Variants in RIMBP2 observed in about 807,000 individuals in gnomAD.
The protein encoded by RIMBP2 is RIMS-binding protein 2.
RIMBP2 carries 48 observed loss-of-function variants against 118.6 expected under a neutral mutation model. That is an observed-to-expected ratio of 0.40 (90% CI 0.32 to 0.51). RIMBP2 has a LOEUF of 0.51. RIMBP2 is among the 20% of genes least tolerant of loss of function. The probability of loss-of-function intolerance (pLI) is 0.41; values close to 1 mark genes in which losing one functional copy is unlikely to be tolerated. For synonymous variants in RIMBP2, 762 were observed against 742.9 expected (o/e 1.03, Z -0.42); for missense variants, 1,551 against 1,768.3 (o/e 0.88, Z 2.20).
At position 130,623,178 on chromosome 12, in the gene RIMBP2, ATTATGATGAACACACACATGTATTCCCC is replaced by A. The variant is rs2061424928; in HGVS notation, c.-217+5116_-217+5143del. ...CTGCATTATTGAATTTAAAAAGCAT[ATTATGATGAACACACACATGTATTCCCC>A]TTTAGCTTTTTCTATATATTTCAAC... is the stretch of plus-strand genomic sequence containing the variant. On this transcript the variant is annotated intron_variant, in intron 2 of 22. Transcript: ENST00000690449. The surrounding 1 kb of genome is among the most constrained non-coding windows in gnomAD (Gnocchi z 4.1). Among the ~76,000 whole-genome samples the A allele has an allele frequency of 6.6e-6, 1 of 152,248 alleles. No homozygotes were observed. Among genetic ancestry groups the A allele is most frequent in the African/African-American group, 2.4e-5 (1 of 41,470 alleles).
At chr12:130,438,313 C>A in intron 12 of RIMBP2, 52 bp downstream of exon 12, 1 of 1,599,016 alleles carries the variant, frequency 6.3e-7, no homozygotes, top group South Asian at 1.1e-5. Flanking sequence ...GGGCCGGTCC[C>A]TGCTGCGTTA....
At chr12:130,587,698 A>C (rs1593924032) in intron 2 of RIMBP2, among the ~76,000 whole-genome samples, 1 of 76,302 alleles carries the variant, frequency 1.3e-5, no homozygotes, top group African/African-American at 5.7e-5. Context: ...GGGAGGGGGG[A>C]GGGATAGCAT....
intron 1 of RIMBP2, among the ~76,000 whole-genome samples, chr12:130,673,434 A>T (rs2064290790): frequency 1.3e-5 from 2 of 152,184 alleles, no homozygotes; most frequent in Non-Finnish European, 2.9e-5. Context: ...GGCACTGAAG[A>T]ACCTTGTGAT....
chr12:130,481,159 C>CG (rs1354988484), intron 4 of RIMBP2, among the ~76,000 whole-genome samples: 2 of 122,296 alleles, frequency 1.6e-5, no homozygotes, highest in Non-Finnish European at 3.6e-5. Context: ...GTGGTGAGGG[C>CG]GGGGGCACCC....
Position 130,567,533 on chromosome 12 carries a change from G to C in RIMBP2, c.-216-49616C>G, listed in dbSNP as rs187866510. Among the ~76,000 whole-genome samples, 100 of 152,312 alleles carry C rather than the reference G, an allele frequency of 6.6e-4. No individual in the cohort carries two copies. The East Asian group carries it at 0.017, about 26-fold the overall frequency. On this transcript the variant is annotated intron_variant, in intron 2 of 22. Coordinates refer to ENST00000690449, the MANE Select transcript of RIMBP2 (RefSeq NM_001393629.1). ...AAGGGACACTAGAGGGAGACAGAAC[G>C]GGGGAGAGGGAGGAGGGAGGGTCCC...
chr12:130,593,334 G>A (rs1479014077), intron 2 of RIMBP2, among the ~76,000 whole-genome samples: 1 of 152,226 alleles, frequency 6.6e-6, no homozygotes, highest in Non-Finnish European at 1.5e-5. Flanking sequence ...ATGGGGCTGG[G>A]GGTGCTTCAC....
At chr12:130,665,449 C>G (rs35446839) in intron 1 of RIMBP2, among the ~76,000 whole-genome samples, 2,020 of 151,312 alleles carry the variant, frequency 0.013, 31 homozygotes, top group East Asian at 0.065. Flanking sequence ...CACTCGAACC[C>G]GGGAGGCAGA....
At chr12:130,674,806 T>G (rs2064372234) in intron 1 of RIMBP2, among the ~76,000 whole-genome samples, 3 of 151,730 alleles carry the variant, frequency 2.0e-5, no homozygotes, top group East Asian at 3.9e-4. Context: ...TCAGCATGCT[T>G]TCCGTCTGTG....
intron 1 of RIMBP2, among the ~76,000 whole-genome samples, chr12:130,661,962 A>G (rs969969639): frequency 6.6e-6 from 1 of 152,156 alleles, no homozygotes; most frequent in Admixed American, 6.5e-5. Context: ...CAAGACCCTT[A>G]GGAGCTCTGA....
intron 2 of RIMBP2, among the ~76,000 whole-genome samples, chr12:130,591,486 G>C (rs374433343): frequency 7.9e-5 from 12 of 152,004 alleles, no homozygotes; most frequent in African/African-American, 2.9e-4. Context: ...GAGTGACTTA[G>C]AACAGTGGAA....
At position 130,523,122 on chromosome 12, in the gene RIMBP2, A is replaced by C. The variant is rs912439013; in HGVS notation, c.-216-5205T>G. On this transcript the variant is annotated intron_variant, in intron 2 of 22. Transcript: ENST00000690449. The surrounding 1 kb of genome is among the most constrained non-coding windows in gnomAD (Gnocchi z 4.4). ...TGCTTCTTCTGTCTCTCCCAGTCTC[A>C]CTCTGCCTCTCTCTCTCTCTCTGCC... Among the ~76,000 whole-genome samples the C allele has an allele frequency of 7.3e-6, 1 of 136,776 alleles. No homozygotes were observed. The highest frequency in any genetic ancestry group is 2.5e-4 in the South Asian group (1 of 4,002). The allele number at this position is 136,776 out of a possible 152,430, so 89.7% of individuals were successfully genotyped here.
At chr12:130,695,542 G>A (rs2065525421) in intron 1 of RIMBP2, among the ~76,000 whole-genome samples, 1 of 152,172 alleles carries the variant, frequency 6.6e-6, no homozygotes, top group Non-Finnish European at 1.5e-5. Flanking sequence ...AGGAGTTGAA[G>A]ACCAACCTGG....
chr12:130,537,737 A>G (rs750938905), intron 2 of RIMBP2, among the ~76,000 whole-genome samples: 1 of 152,220 alleles, frequency 6.6e-6, no homozygotes, highest in African/African-American at 2.4e-5. Context: ...TCATAAATTC[A>G]TCAGCCCCAG....
intron 13 of RIMBP2, 114 bp downstream of exon 13, chr12:130,436,728 C>G (rs1335888256): frequency 6.2e-5 from 52 of 844,352 alleles, no homozygotes; most frequent in Middle Eastern, 3.9e-4. Flanking sequence ...AGCGCGGCCC[C>G]CCTCCCTGCA....
At chr12:130,445,367 C>T in intron 9 of RIMBP2, 98 bp from the exon 10 acceptor site, 6 of 761,710 alleles carry the variant, frequency 7.9e-6, no homozygotes, top group Admixed American at 2.6e-5. Flanking sequence ...GCTTCTCTCC[C>T]ACTCCTAGGG....
chr12:130,457,695 C>T (rs776692715), intron 6 of RIMBP2, among the ~76,000 whole-genome samples: 21 of 152,238 alleles, frequency 1.4e-4, no homozygotes, highest in Non-Finnish European at 2.1e-4. Flanking sequence ...TCGGTGTCCA[C>T]GGCTACACTC....
Position 130,453,496 on chromosome 12 carries a change from G to A in RIMBP2, c.359-2156C>T, listed in dbSNP as rs140537059. Among the ~76,000 whole-genome samples the A allele has an allele frequency of 5.9e-5, 9 of 152,348 alleles. No homozygotes were observed. The East Asian group carries it at 7.7e-4, about 13-fold the overall frequency. ...ATTTGAACACAATGGGATGTTATCC[G>A]GCCTCAGGAAAGGAGGACACCTGGC... On this transcript the variant is annotated intron_variant, in intron 7 of 22. Transcript: ENST00000690449.
intron 21 of RIMBP2, among the ~76,000 whole-genome samples, chr12:130,404,088 C>T (rs1408714103): frequency 3.3e-5 from 5 of 151,944 alleles, no homozygotes. Flanking sequence ...AAAATGATGA[C>T]AAATTATAAA....
At chr12:130,588,399 C>T (rs754584684) in intron 2 of RIMBP2, among the ~76,000 whole-genome samples, 1 of 152,210 alleles carries the variant, frequency 6.6e-6, no homozygotes, top group Non-Finnish European at 1.5e-5. Flanking sequence ...GAGTTCACTA[C>T]ACTGAAATGG....
Sources: allele counts gnomAD v4.1 joint callset (sites outside exome capture counted in the v4.1 genomes callset), GRCh38; gene constraint gnomAD v4.1.1; non-coding constraint Gnocchi (gnomAD v3.1); transcripts MANE v1.5; gene names NCBI Gene and HGNC (gene_info 2026-07-23, HGNC 2026-07-21).